The following NDC1 variants were observed in gnomAD, a reference collection of about 807,000 sequenced individuals.
The protein encoded by NDC1 is NDC1 transmembrane nucleoporin.
In NDC1, 24 loss-of-function variants were observed where a neutral mutation model predicts 89.8. The ratio of observed to expected loss-of-function variants is 0.27; its 90% CI spans 0.19 to 0.38. The LOEUF is 0.38. Ranked by LOEUF, NDC1 falls within the 10% of genes least tolerant of loss-of-function variation. The pLI is 1.00. For synonymous variants in NDC1, 296 were observed against 284.8 expected, an observed-to-expected ratio of 1.04 and a Z score of -0.39; for missense variants, 728 against 797.6, an observed-to-expected ratio of 0.91 and a Z score of 1.05.
At chr1:53,774,055 A>G (rs531678524) in intron 16 of NDC1, among the ~76,000 whole-genome samples, 155 of 152,256 alleles carry the variant, frequency 1.0e-3, no homozygotes, top group African/African-American at 3.6e-3. Context: ...TAGCGATCTC[A>G]ACCATCTGCT....
intron 11 of NDC1, 45 bp from the exon 12 acceptor site, chr1:53,797,189 G>A (rs1647744014): frequency 1.3e-6 from 2 of 1,584,676 alleles, no homozygotes; most frequent in Admixed American, 1.8e-5. Context: ...CCTGATCCAA[G>A]CAGGCTAGCA....
At chr1:53,817,762 TAC>T (rs1557585223) in intron 6 of NDC1, among the ~76,000 whole-genome samples, 3 of 152,186 alleles carry the variant, frequency 2.0e-5, no homozygotes, top group Non-Finnish European at 2.9e-5. Flanking sequence ...GGATGGCCTA[TAC>T]ACAGTGAGAA....
At chr1:53,838,157 G>T in intron 1 of NDC1, 48 bp downstream of exon 1, 2 of 1,482,466 alleles carry the variant, frequency 1.3e-6, no homozygotes, top group Non-Finnish European at 1.8e-6. Context: ...GAGCTTGCCC[G>T]CCCGGCCCGA....
At chr1:53,768,411 C>T (rs1185875525) in intron 17 of NDC1, among the ~76,000 whole-genome samples, 1 of 152,142 alleles carries the variant, frequency 6.6e-6, no homozygotes, top group Non-Finnish European at 1.5e-5. Context: ...ATCTGAATTG[C>T]CTTTAATACA....
At chr1:53,835,479 C>T in intron 2 of NDC1, 21 bp downstream of exon 2, 1 of 1,587,628 alleles carries the variant, frequency 6.3e-7, no homozygotes, top group Non-Finnish European at 8.5e-7. Flanking sequence ...TAACTTTCTC[C>T]CCAAGTTGAG....
chr1:53,837,604 A>G (rs1649278899), intron 1 of NDC1, among the ~76,000 whole-genome samples: 1 of 152,152 alleles, frequency 6.6e-6, no homozygotes, highest in Non-Finnish European at 1.5e-5. Context: ...TACGGACCCA[A>G]AAGTTTTTAG....
chr1:53,798,550 TC>T (rs1312401706), intron 11 of NDC1, among the ~76,000 whole-genome samples: 9 of 147,268 alleles, frequency 6.1e-5, no homozygotes, highest in African/African-American at 2.2e-4. Flanking sequence ...ATATGACTTT[TC>T]TTTTTTTTTT....
chr1:53,790,529 A>G (rs1009231239), intron 14 of NDC1, among the ~76,000 whole-genome samples: 9 of 151,834 alleles, frequency 5.9e-5, no homozygotes, highest in African/African-American at 2.2e-4. Context: ...CAACGTGGTA[A>G]AACTCCGTCT....
intron 1 of NDC1, among the ~76,000 whole-genome samples, chr1:53,837,433 C>T (rs1649270197): frequency 6.6e-6 from 1 of 152,066 alleles, no homozygotes; most frequent in African/African-American, 2.4e-5. Context: ...ATTAGCTGGG[C>T]GTAGTGGTGC....
intron 1 of NDC1, 25 bp from the exon 2 acceptor site, chr1:53,835,645 A>T (rs1649206175): frequency 6.3e-7 from 1 of 1,590,560 alleles, no homozygotes; most frequent in Admixed American, 1.9e-5. Context: ...AAAAACCCTC[A>T]CTCATGAAGT....
At chr1:53,773,360 G>A (rs1647135303) in intron 16 of NDC1, among the ~76,000 whole-genome samples, 1 of 152,108 alleles carries the variant, frequency 6.6e-6, no homozygotes, top group Non-Finnish European at 1.5e-5. Context: ...AACATCATCT[G>A]TTCTTTTTAA....
At chr1:53,783,899 G>A (rs1647245291) in intron 16 of NDC1, among the ~76,000 whole-genome samples, 1 of 152,162 alleles carries the variant, frequency 6.6e-6, no homozygotes, top group Non-Finnish European at 1.5e-5. Flanking sequence ...TGTTAGAGCA[G>A]CATGAAACAG....
chr1:53,818,908 G>T, intron 6 of NDC1, 63 bp downstream of exon 6: 1 of 746,250 alleles, frequency 1.3e-6, no homozygotes, highest in Non-Finnish European at 2.3e-6. Context: ...GAATGACTTT[G>T]TAACTGACAT....
chr1:53,821,588 C>T (rs775736213), intron 5 of NDC1, among the ~76,000 whole-genome samples: 7 of 152,194 alleles, frequency 4.6e-5, no homozygotes, highest in Non-Finnish European at 8.8e-5. Flanking sequence ...GCTACCACCA[C>T]CACACACCTG....
At chr1:53,807,928 A>T in intron 7 of NDC1, 137 bp from the exon 8 acceptor site, 1 of 815,438 alleles carries the variant, frequency 1.2e-6, no homozygotes, top group Non-Finnish European at 1.9e-6. Flanking sequence ...CGATATCTTT[A>T]TAAAGCTCTT....
intron 13 of NDC1, among the ~76,000 whole-genome samples, chr1:53,795,649 A>G (rs1251510443): frequency 6.6e-6 from 1 of 152,148 alleles, no homozygotes; most frequent in Admixed American, 6.5e-5. Context: ...CTAACTTAAA[A>G]TACATACCTA....
At chr1:53,777,018 T>C (rs1470220905) in intron 16 of NDC1, among the ~76,000 whole-genome samples, 3 of 147,132 alleles carry the variant, frequency 2.0e-5, no homozygotes, top group African/African-American at 7.9e-5. Flanking sequence ...TGCAAGAGAA[T>C]AAATTTTGTT....
chr1:53,828,015 A>T lies in NDC1; in HGVS notation c.439T>A (p.Cys147Ser). The T allele has an allele frequency of 1.9e-6, 3 of 1,612,474 alleles. No individual in the cohort carries two copies. The highest frequency in any genetic ancestry group is 2.5e-6 in the Non-Finnish European group (3 of 1,179,036). Reference sequence around the variant, plus strand: ...TAATATTACCTGTTAGTACCAGTGCAGGGAACCACAAGAAAGCTGTACTGG... The same window carrying T: ...TAATATTACCTGTTAGTACCAGTGCTGGGAACCACAAGAAAGCTGTACTGG... Reference protein sequence around the residue: ...QGQYSFLVVPCTGTNSFGSPA... With the variant: ...QGQYSFLVVPSTGTNSFGSPA... Residue 147 changes from cysteine (C) to serine (S), a missense_variant, in exon 4 of 18, where the codon TGC becomes AGC. Physicochemically the swap from Cys to Ser is moderately radical, Grantham distance 112 (BLOSUM62 -1). Coordinates refer to ENST00000371429, the MANE Select transcript of NDC1 (RefSeq NM_018087.5).
At chr1:53,769,321 T>C (rs1334444410) in intron 17 of NDC1, among the ~76,000 whole-genome samples, 1 of 152,224 alleles carries the variant, frequency 6.6e-6, no homozygotes, top group East Asian at 1.9e-4. Context: ...TGAACAAGTC[T>C]AGAGATCTAA....
Sources: gnomAD v4.1 joint callset for allele counts (sites outside exome capture counted in the v4.1 genomes callset) on GRCh38, gnomAD v4.1.1 for gene constraint, MANE v1.5 for transcripts, NCBI Gene and HGNC (gene_info 2026-07-23, HGNC 2026-07-21) for gene names.